ACR: variants seen among roughly 807,000 people sequenced by gnomAD.
ACR encodes acrosin.
ACR carries 17 observed loss-of-function variants against 26.0 expected under a neutral mutation model. The observed-to-expected ratio is 0.65, with a 90% confidence interval of 0.45 to 0.98. The LOEUF is 0.98. Among genes scored for constraint, ACR ranks in the 50% least tolerant of loss-of-function variants. The pLI, the probability that ACR is intolerant of heterozygous loss-of-function variation, is 0.00. For synonymous variants in ACR, 199 were observed against 207.7 expected (o/e 0.96, Z 0.36); for missense variants, 435 against 519.3 (o/e 0.84, Z 1.58).
chr22:50,738,419 GA>G (rs2083408477), intron 1 of ACR, 107 bp downstream of exon 1: 2 of 1,150,768 alleles, frequency 1.7e-6, no homozygotes, highest in Non-Finnish European at 2.5e-6. Context: ...CCCTAACCTG[GA>G]CCCCCCCTGC....
rs1284265987 is a variant in ACR, at chr22:50,739,221, G to C, written c.78-50G>C. On this transcript the variant is annotated intron_variant, in intron 1 of 4. Transcript: ENST00000216139. This position sits in a 1 kb window ranked among gnomAD's most constrained non-coding sequence, Gnocchi z 5.5. ...CTCCCCTCAGTTGTGGAGTTACAAG[G>C]ACAGGCTGTGCTCATGCCAGGTTTG... The C allele has an allele frequency of 6.7e-7, 1 of 1,494,306 alleles. No individual in the cohort carries two copies. The highest frequency in any genetic ancestry group is 2.0e-5 in the Admixed American group (1 of 50,744). 92.6% of individuals were successfully genotyped at this position (1,494,306 alleles called of 1,614,324 possible).
At position 50,739,750 on chromosome 22, in the gene ACR, A is replaced by G. The variant is rs1450177554; in HGVS notation, c.338A>G (p.Asn113Ser). Residue 113 changes from asparagine to serine, a missense_variant, in exon 3 of 5, where the codon AAT becomes AGT. Transcript: ENST00000216139. This position sits in a 1 kb window ranked among gnomAD's most constrained non-coding sequence, Gnocchi z 5.5. ...GCAAAGGAAATTACATATGGGAACAATAAACCAGTAAAGGCGCCTCTGCAA... is the reference window on the plus strand; with the variant it reads ...GCAAAGGAAATTACATATGGGAACAGTAAACCAGTAAAGGCGCCTCTGCAA... ...FGAKEITYGN[N>S]KPVKAPLQER... The G allele has an allele frequency of 1.3e-6, 2 of 1,570,282 alleles. No individual in the cohort carries two copies. The highest frequency in any genetic ancestry group is 1.7e-6 in the Non-Finnish European group (2 of 1,161,546).
rs776906749 is a variant in ACR at position 50,744,878 on chromosome 22, C to T, written c.937C>T (p.Arg313Ter). Reference protein sequence around the residue: ...PPPTTRPPPIRPPFSHPISAH... With the variant: ...PPPTTRPPPI The stretch of plus-strand genomic sequence containing the variant: ...TCCCACCACTCGACCGCCCCCGATT[C>T]GACCCCCCTTCTCCCACCCTATCTC... The change falls in exon 5 of 5, where the codon CGA (arginine) becomes TGA (stop). Residue 313 changes from arginine (R) to a stop codon, truncating the protein, a stop_gained. Transcript: ENST00000216139. LOFTEE classifies it low-confidence loss of function (END_TRUNC). 7.6e-6 allele frequency: 12 copies of T among 1,583,460 alleles called. No homozygotes were observed. The Admixed American group carries it at 1.4e-4, about 18-fold the overall frequency.
rs1356854561 is a variant in ACR at position 50,738,310 on chromosome 22, T to A, written c.75T>A (p.Cys25Ter). ...TGGTTGCTAAAGATAACGCCACGTG[T>A]GAGTAAGTGTCGGGGCACCTTGGTG... ...VSVVAKDNATCDGPCGLRFRQ... is the reference protein window; with the variant it reads ...VSVVAKDNAT The change falls in exon 1 of 5, where the codon TGT becomes TGA. Residue 25 changes from cysteine to a stop codon, truncating the protein, a stop_gained and splice_region_variant. Coordinates refer to ENST00000216139, the MANE Select transcript of ACR (RefSeq NM_001097.3). LOFTEE classifies it high-confidence loss of function. 6.2e-7 allele frequency: 1 copy of A among 1,613,754 alleles called. No homozygotes were observed. The highest frequency in any genetic ancestry group is 8.5e-7 in the Non-Finnish European group (1 of 1,179,868).
intron 3 of ACR, 160 bp downstream of exon 3, chr22:50,740,137 C>T (rs1404272961): frequency 2.1e-6 from 2 of 932,640 alleles, no homozygotes; most frequent in African/African-American, 3.2e-5. Flanking sequence ...GTCCCCTGTG[C>T]CAGGTCACGT....
rs2083444080 is a variant in ACR, at chr22:50,745,009, T to C, written c.1068T>C (p.Pro356=). The C allele has an allele frequency of 5.3e-6, 4 of 752,724 alleles. No homozygotes were observed. Among genetic ancestry groups the C allele is most frequent in the Non-Finnish European group, 7.5e-6 (4 of 535,452 alleles). 46.6% of individuals were successfully genotyped at this position (752,724 alleles called of 1,614,324 possible). A position where few individuals can be genotyped will look rare whatever the true frequency, so the allele number is the denominator to read the frequency against. The change falls in exon 5 of 5, where the codon CCT becomes CCC. Residue 356 remains proline, a synonymous_variant. Coordinates refer to ENST00000216139, the MANE Select transcript of ACR (RefSeq NM_001097.3). ...PPPSPPPPPP[P]PASPLPPPPP... ...CTTCACCCCCGCCCCCACCCCCACC[T>C]CCAGCCTCACCTTTACCCCCACCCC...
chr22:50,739,478 C>T lies in ACR; in HGVS notation c.281+4C>T, dbSNP rs374344475. 18 of 1,613,962 alleles carry T rather than the reference C, an allele frequency of 1.1e-5. No individual in the cohort carries two copies. Among genetic ancestry groups the T allele is most frequent in the South Asian group, 6.6e-5 (6 of 91,066 alleles). On this transcript the variant is annotated splice_donor_region_variant and intron_variant, in intron 2 of 4. Coordinates refer to ENST00000216139, the MANE Select transcript of ACR (RefSeq NM_001097.3). The surrounding 1 kb of genome is among the most constrained non-coding windows in gnomAD (Gnocchi z 5.5). ...CTCACTGCTTCGTCGGCAAAAAGTA[C>T]GTGTAGGGATGCACTGAGGGAGGTC...
At position 50,745,282 on chromosome 22, in the gene ACR, C is replaced by CAT. The variant is rs574817127; in HGVS notation, c.*85_*86dup. 8.0e-4 allele frequency: 815 copies of CAT among 1,018,706 alleles called. 6 individuals carry two copies. The African/African-American group carries it at 9.4e-3, about 12-fold the overall frequency. 63.1% of individuals were successfully genotyped at this position (1,018,706 alleles called of 1,614,324 possible). Reference sequence around the variant, plus strand: ...AGGAAAGATGAAATAAATAAATAAACATATATATATAGATATACACACACA... The same window carrying CAT: ...AGGAAAGATGAAATAAATAAATAAACATATATATATATAGATATACACACACA... On this transcript the variant is annotated 3_prime_UTR_variant, in exon 5 of 5. Transcript: ENST00000216139.
intron 3 of ACR, 90 bp downstream of exon 3, chr22:50,740,067 C>G: frequency 3.9e-6 from 6 of 1,548,766 alleles, no homozygotes; most frequent in Non-Finnish European, 5.3e-6. Flanking sequence ...GACACCCAGC[C>G]AGGCTGCTTT....
chr22:50,739,368 A>T lies in ACR; in HGVS notation c.175A>T (p.Ser59Cys). 3.1e-6 allele frequency: 5 copies of T among 1,613,734 alleles called. No individual in the cohort carries two copies. Among genetic ancestry groups the T allele is most frequent in the Non-Finnish European group, 4.2e-6 (5 of 1,179,868 alleles). The change falls in exon 2 of 5, where the codon AGC (serine) becomes TGC (cysteine). Residue 59 changes from serine (S) to cysteine (C), a missense_variant. Ser to Cys is a moderately radical substitution (Grantham distance 112, BLOSUM62 -1). Coordinates refer to ENST00000216139, the MANE Select transcript of ACR (RefSeq NM_001097.3). The surrounding 1 kb of genome is among the most constrained non-coding windows in gnomAD (Gnocchi z 5.5). ...AQHGAWPWMV[S>C]LQIFTYNSHR... ...GCATGGGGCCTGGCCCTGGATGGTC[A>T]GCCTCCAGATCTTCACGTACAACAG...
chr22:50,744,328 C>T (rs2083439741), intron 4 of ACR, 122 bp downstream of exon 4: 3 of 770,504 alleles, frequency 3.9e-6, no homozygotes, highest in Admixed American at 2.7e-5. Context: ...GGGCCCTTCT[C>T]TAGTGACTGC....
rs1348503287 is a variant in ACR, at chr22:50,744,961, G to C, written c.1020G>C (p.Pro340=). 8.2e-6 allele frequency: 11 copies of C among 1,345,556 alleles called. No individual in the cohort carries two copies. The East Asian group carries it at 1.3e-4, about 16-fold the overall frequency. 83.4% of individuals were successfully genotyped at this position (1,345,556 alleles called of 1,614,324 possible). A position where few individuals can be genotyped will look rare whatever the true frequency, so the allele number is the denominator to read the frequency against. The change falls in exon 5 of 5, where the codon CCG becomes CCC. Residue 340 remains proline (P), a synonymous_variant. Transcript: ENST00000216139. Reference sequence around the variant, plus strand: ...CTCGACCACTTCCACCCCGACCACCGGCAGCCCAGCCCCGACCCCCACCTT... The same window carrying C: ...CTCGACCACTTCCACCCCGACCACCCGCAGCCCAGCCCCGACCCCCACCTT... ...PPPRPLPPRP[P]AAQPRPPPSP...
Position 50,738,254 on chromosome 22 carries a change from A to C in ACR, c.19A>C (p.Thr7Pro). 1 of 1,613,986 alleles carries C rather than the reference A, an allele frequency of 6.2e-7. No homozygotes were observed. Among genetic ancestry groups the C allele is most frequent in the Non-Finnish European group, 8.5e-7 (1 of 1,179,914 alleles). The change falls in exon 1 of 5, where the codon ACT becomes CCT. Residue 7 changes from threonine to proline, a missense_variant. This residue lies in a region of ACR where 314 missense variants were observed against 372.0 expected (regional missense o/e 0.84). Coordinates refer to ENST00000216139, the MANE Select transcript of ACR (RefSeq NM_001097.3). MVEMLP[T>P]AILLVLAVSV... The stretch of plus-strand genomic sequence containing the variant: ...CAGGAGTATGGTTGAGATGCTACCA[A>C]CTGCCATTCTGCTGGTCTTGGCAGT...
Position 50,739,172 on chromosome 22 carries a change from C to A in ACR, c.78-99C>A. 2 of 1,165,388 alleles carry A rather than the reference C, an allele frequency of 1.7e-6. No individual in the cohort carries two copies. The highest frequency in any genetic ancestry group is 1.5e-5 in the African/African-American group (1 of 65,486). 72.2% of individuals were successfully genotyped at this position (1,165,388 alleles called of 1,614,324 possible). A position where few individuals can be genotyped will look rare whatever the true frequency, so the allele number is the denominator to read the frequency against. ...CCCAGAACCCGGAAGCTCTTCCCCACTTTTCCCAACCCCATGTCCCTGCCT... is the reference window on the plus strand; with the variant it reads ...CCCAGAACCCGGAAGCTCTTCCCCAATTTTCCCAACCCCATGTCCCTGCCT... On this transcript the variant is annotated intron_variant, in intron 1 of 4. Transcript: ENST00000216139. The surrounding 1 kb of genome is among the most constrained non-coding windows in gnomAD (Gnocchi z 5.5).
At chr22:50,741,642 C>T (rs1049280183) in intron 3 of ACR, among the ~76,000 whole-genome samples, 6 of 151,834 alleles carry the variant, frequency 4.0e-5, no homozygotes, top group Admixed American at 3.9e-4. Context: ...TTCATTTTTG[C>T]AAACACATCC....
At chr22:50,740,329 T>C in intron 3 of ACR, 1 of 569,450 alleles carries the variant, frequency 1.8e-6, no homozygotes, top group Non-Finnish European at 3.1e-6. Context: ...GATAAGGTTA[T>C]GTGGCCGTAT....
At position 50,739,304 on chromosome 22, in the gene ACR, A is replaced by G; in HGVS notation, c.111A>G (p.Pro37=). 6.3e-7 allele frequency: 1 copy of G among 1,596,394 alleles called. No individual in the cohort carries two copies. The highest frequency in any genetic ancestry group is 1.7e-5 in the Admixed American group (1 of 57,336). ...GPCGLRFRQN[P]QGGVRIVGGK... ...GTGGGTTACGGTTCAGGCAAAACCCACAGGGTGGTGTCCGCATCGTCGGCG... is the reference window on the plus strand; with the variant it reads ...GTGGGTTACGGTTCAGGCAAAACCCGCAGGGTGGTGTCCGCATCGTCGGCG... The change falls in exon 2 of 5, where the codon CCA becomes CCG. Residue 37 remains proline, a synonymous_variant. Coordinates refer to ENST00000216139, the MANE Select transcript of ACR (RefSeq NM_001097.3). The surrounding 1 kb of genome is among the most constrained non-coding windows in gnomAD (Gnocchi z 5.5).
chr22:50,739,968 G>A lies in ACR; in HGVS notation c.556G>A (p.Glu186Lys). Residue 186 changes from glutamate (E) to lysine (K), a missense_variant, in exon 3 of 5, where the codon GAA becomes AAA. Physicochemically the swap from Glu to Lys is moderately conservative, Grantham distance 56. Transcript: ENST00000216139. The surrounding 1 kb of genome is among the most constrained non-coding windows in gnomAD (Gnocchi z 5.5). ...SCWVAGWGYI[E>K]EKAPRPSSIL... is the part of the protein sequence containing the mutation. ...CTGGGTGGCCGGCTGGGGATATATA[G>A]AAGAGAAAGGTGAGTATGGGAGCGC... is the stretch of plus-strand genomic sequence containing the variant. 6.2e-7 allele frequency: 1 copy of A among 1,613,612 alleles called. No individual in the cohort carries two copies. The highest frequency in any genetic ancestry group is 8.5e-7 in the Non-Finnish European group (1 of 1,180,016).
At position 50,744,816 on chromosome 22, in the gene ACR, A is replaced by T. The variant is rs1340189362; in HGVS notation, c.875A>T (p.Asn292Ile). The T allele has an allele frequency of 6.2e-7, 1 of 1,607,412 alleles. No homozygotes were observed. Among genetic ancestry groups the T allele is most frequent in the Admixed American group, 1.7e-5 (1 of 59,316 alleles). The stretch of plus-strand genomic sequence containing the variant: ...TGGATCGCCTCCAAGATTGGTTCTA[A>T]CGCTTTGCGTATGATTCAATCGGCC... ...LNWIASKIGSNALRMIQSATP... is the reference protein window; with the variant it reads ...LNWIASKIGSIALRMIQSATP... The change falls in exon 5 of 5, where the codon AAC (asparagine) becomes ATC (isoleucine). Residue 292 changes from asparagine (N) to isoleucine (I), a missense_variant. Coordinates refer to ENST00000216139, the MANE Select transcript of ACR (RefSeq NM_001097.3).
Sources: allele counts gnomAD v4.1 joint callset (sites outside exome capture counted in the v4.1 genomes callset), GRCh38; gene constraint gnomAD v4.1.1; regional missense constraint gnomAD v4.1.1; non-coding constraint Gnocchi (gnomAD v3.1); transcripts MANE v1.5; gene names NCBI Gene and HGNC (gene_info 2026-07-23, HGNC 2026-07-21).